Variants in ACO1 observed in about 807,000 individuals in gnomAD.
The protein encoded by ACO1 is cytoplasmic aconitate hydratase.
A neutral mutation model predicts 105.1 loss-of-function variants in ACO1; 78 were observed. That is an observed-to-expected ratio of 0.74 (90% CI 0.62 to 0.90). ACO1 has a LOEUF of 0.90. ACO1 is among the 40% of genes least tolerant of loss of function. The pLI is 0.00. For synonymous variants in ACO1, 364 were observed against 397.4 expected (o/e 0.92, Z 1.00); for missense variants, 965 against 1,111.1 (o/e 0.87, Z 1.87).
intron 4 of ACO1, among the ~76,000 whole-genome samples, chr9:32,414,247 T>A (rs1821803092): frequency 6.6e-6 from 1 of 152,254 alleles, no homozygotes; most frequent in African/African-American, 2.4e-5. Flanking sequence ...GGAGCTCCAT[T>A]AAATGTAATT....
intron 19 of ACO1, among the ~76,000 whole-genome samples, chr9:32,441,572 T>C (rs1282812480): frequency 1.3e-5 from 2 of 151,318 alleles, no homozygotes; most frequent in Admixed American, 1.3e-4. Context: ...GATTAGTTGA[T>C]AGTAGGTCAA....
chr9:32,411,108 A>T (rs914742197), intron 4 of ACO1, among the ~76,000 whole-genome samples: 3 of 152,150 alleles, frequency 2.0e-5, no homozygotes, highest in Non-Finnish European at 2.9e-5. Flanking sequence ...GCCATTGATC[A>T]AAGCAAATCA....
intron 19 of ACO1, among the ~76,000 whole-genome samples, chr9:32,445,027 T>C (rs1177724383): frequency 6.6e-6 from 1 of 152,244 alleles, no homozygotes; most frequent in African/African-American, 2.4e-5. Context: ...CAGTATTTTA[T>C]TGAGGATTTT....
intron 11 of ACO1, among the ~76,000 whole-genome samples, chr9:32,426,624 C>T (rs546828461): frequency 6.6e-5 from 10 of 152,268 alleles, no homozygotes; most frequent in South Asian, 2.1e-4. Flanking sequence ...TGCCTGAGTC[C>T]GTGTATTGCC....
intron 4 of ACO1, among the ~76,000 whole-genome samples, chr9:32,414,215 T>A (rs1001321342): frequency 1.3e-5 from 2 of 152,232 alleles, no homozygotes; most frequent in Non-Finnish European, 2.9e-5. Context: ...TATCTCCATG[T>A]TAATACTGTC....
chr9:32,434,472 G>C, intron 16 of ACO1, 87 bp from the exon 17 acceptor site: 1 of 1,511,672 alleles, frequency 6.6e-7, no homozygotes, highest in Non-Finnish European at 9.1e-7. Flanking sequence ...CTCTGATTCA[G>C]GTCCATGGGC....
intron 7 of ACO1, among the ~76,000 whole-genome samples, chr9:32,419,975 C>G (rs1375184928): frequency 6.6e-6 from 1 of 152,194 alleles, no homozygotes; most frequent in Non-Finnish European, 1.5e-5. Flanking sequence ...ACACATTTCT[C>G]TCTGATTTAA....
At position 32,434,527 on chromosome 9, in the gene ACO1, G is replaced by A. The variant is rs185577812; in HGVS notation, c.1957-32G>A. The stretch of plus-strand genomic sequence containing the variant: ...CTGGTAACTTGTTTGGGAAAACCTG[G>A]GCCAATGCTGACTTTTTGTATTCTT... On this transcript the variant is annotated intron_variant, in intron 16 of 20. Transcript: ENST00000309951. 3.7e-6 allele frequency: 6 copies of A among 1,612,620 alleles called. No individual in the cohort carries two copies. The Admixed American group carries it at 6.7e-5, about 18-fold the overall frequency.
Position 32,419,048 on chromosome 9 carries a change from T to C in ACO1, c.669T>C (p.Gly223=), listed in dbSNP as rs1436950811. ...GLGILGWGVG[G]IEAEAVMLGQ... is the part of the protein sequence containing the mutation. The stretch of plus-strand genomic sequence containing the variant: ...TGCCGTTCATTGCAGGTGTCGGTGG[T>C]ATTGAAGCAGAAGCTGTCATGCTGG... Residue 223 remains glycine, a synonymous_variant, in exon 7 of 21, where the codon GGT becomes GGC. Coordinates refer to ENST00000309951, the MANE Select transcript of ACO1 (RefSeq NM_002197.3). 1 of 1,603,874 alleles carries C rather than the reference T, an allele frequency of 6.2e-7. No homozygotes were observed. Among genetic ancestry groups the C allele is most frequent in the Admixed American group, 1.7e-5 (1 of 58,770 alleles).
chr9:32,429,363 G>A lies in ACO1; in HGVS notation c.1485-56G>A, dbSNP rs1326769981. 6 of 1,533,374 alleles carry A rather than the reference G, an allele frequency of 3.9e-6. No individual in the cohort carries two copies. In the South Asian group the frequency reaches 5.6e-5, roughly 14 times the overall value. 95.0% of individuals were successfully genotyped at this position (1,533,374 alleles called of 1,614,324 possible). ...CTCTGGAAACTGTGGCCAGCAGAAG[G>A]GCTCACTGAAAGTTATTCTTTTTTT... On this transcript the variant is annotated intron_variant, in intron 12 of 20. Transcript: ENST00000309951.
intron 15 of ACO1, 89 bp downstream of exon 15, chr9:32,431,932 G>A (rs1315356212): frequency 6.8e-7 from 1 of 1,475,262 alleles, no homozygotes; most frequent in Non-Finnish European, 9.2e-7. Flanking sequence ...AAGGCTAACG[G>A]AAGTATAAAC....
Position 32,451,965 on chromosome 9 carries a change from G to A in ACO1, c.*1854G>A, listed in dbSNP as rs1822777053. ...TGTAATCCCAGCTACACAGGAGGCT[G>A]AGGCAGGAGAATTGCTTAAACCCGG... On this transcript the variant is annotated 3_prime_UTR_variant, in exon 21 of 21. Coordinates refer to ENST00000309951, the MANE Select transcript of ACO1 (RefSeq NM_002197.3). The A allele has an allele frequency of 6.6e-6, 1 of 152,088 alleles. No homozygotes were observed. Among genetic ancestry groups the A allele is most frequent in the South Asian group, 2.1e-4 (1 of 4,832 alleles). The allele number at this position is 152,088 out of a possible 1,614,324, so 9.4% of individuals were successfully genotyped here. A position where few individuals can be genotyped will look rare whatever the true frequency, so the allele number is the denominator to read the frequency against.
In ACO1 at chr9:32,408,542, G is replaced by T. The variant is rs1416539767; in HGVS notation, c.295G>T (p.Ala99Ser). The change falls in exon 4 of 21, where the codon GCA (alanine) becomes TCA (serine). Residue 99 changes from alanine (A) to serine (S), a missense_variant. Transcript: ENST00000309951. ...TGVPAVVDFA[A>S]MRDAVKKLGG... Reference sequence around the variant, plus strand: ...TGTGCCCGCTGTGGTTGACTTTGCTGCAATGCGTGATGCTGTGAAAAAGTT... The same window carrying T: ...TGTGCCCGCTGTGGTTGACTTTGCTTCAATGCGTGATGCTGTGAAAAAGTT... The T allele has an allele frequency of 6.2e-7, 1 of 1,614,138 alleles. No individual in the cohort carries two copies. Among genetic ancestry groups the T allele is most frequent in the Non-Finnish European group, 8.5e-7 (1 of 1,180,020 alleles).
At chr9:32,434,917 G>A (rs1380000581) in intron 17 of ACO1, among the ~76,000 whole-genome samples, 1 of 152,154 alleles carries the variant, frequency 6.6e-6, no homozygotes, top group Non-Finnish European at 1.5e-5. Flanking sequence ...CAAGGGGAAG[G>A]GGAGAGGGAC....
At chr9:32,436,163 G>A (rs766264433) in intron 17 of ACO1, 87 bp from the exon 18 acceptor site, 3 of 1,554,474 alleles carry the variant, frequency 1.9e-6, no homozygotes, top group Non-Finnish European at 2.7e-6. Flanking sequence ...GTTTTGTTTT[G>A]TTTTGTTTTT....
intron 18 of ACO1, 61 bp from the exon 19 acceptor site, chr9:32,440,404 G>A: frequency 6.2e-7 from 1 of 1,607,430 alleles, no homozygotes; most frequent in African/African-American, 1.3e-5. Flanking sequence ...CAGGGCTCAG[G>A]GGACCTGTGT....
In ACO1 at chr9:32,450,292, A is replaced by G. The variant is rs1587564176; in HGVS notation, c.*181A>G. On this transcript the variant is annotated 3_prime_UTR_variant, in exon 21 of 21. Transcript: ENST00000309951. ...AAAACCAGAAGTTTCTACATTCTCT[A>G]TTTTTGTTAATCATCTTCTCTTTTT... The G allele has an allele frequency of 8.6e-6, 6 of 695,736 alleles. No homozygotes were observed. Among genetic ancestry groups the G allele is most frequent in the East Asian group, 8.2e-5 (3 of 36,738 alleles). 43.1% of individuals were successfully genotyped at this position (695,736 alleles called of 1,614,324 possible).
At chr9:32,427,233 T>C in intron 11 of ACO1, 68 bp from the exon 12 acceptor site, 2 of 1,586,350 alleles carry the variant, frequency 1.3e-6, no homozygotes. Context: ...TCAGGCTCTT[T>C]TCTGAAGTGT....
chr9:32,448,950 G>C lies in ACO1; in HGVS notation c.2425G>C (p.Val809Leu). The change falls in exon 20 of 21, where the codon GTT becomes CTT. Residue 809 changes from valine to leucine, a missense_variant. Transcript: ENST00000309951. ...CGAGCGCATTCACCGCAGTAACCTG[G>C]TTGGGATGGGTGTGATCCCACTTGA... ...SYERIHRSNL[V>L]GMGVIPLEYL... The C allele has an allele frequency of 1.2e-6, 2 of 1,614,216 alleles. No homozygotes were observed. The highest frequency in any genetic ancestry group is 2.2e-5 in the South Asian group (2 of 91,088).
Sources: gnomAD v4.1 joint callset for allele counts (sites outside exome capture counted in the v4.1 genomes callset) on GRCh38, gnomAD v4.1.1 for gene constraint, MANE v1.5 for transcripts, NCBI Gene and HGNC (gene_info 2026-07-23, HGNC 2026-07-21) for gene names.